The following WDFY4 variants were observed in gnomAD, a reference collection of about 807,000 sequenced individuals.
The protein encoded by WDFY4 is WD repeat- and FYVE domain-containing protein 4.
WDFY4 carries 169 observed loss-of-function variants against 351.9 expected under a neutral mutation model. The ratio of observed to expected loss-of-function variants is 0.48; its 90% confidence interval spans 0.42 to 0.55. The LOEUF is 0.55. Ranked by LOEUF, WDFY4 falls within the 20% of genes least tolerant of loss-of-function variation. WDFY4 has a pLI of 0.00. For missense variants in WDFY4, 3,803 were observed against 3,935.6 expected (o/e 0.97, Z 0.90); for synonymous variants, 1,622 against 1,574.6 (o/e 1.03, Z -0.71).
rs1379989516 is a variant in WDFY4, at chr10:48,795,520, TATACATATATATATACACAC to T, written c.4258-776_4258-757del. On this transcript the variant is annotated intron_variant, in intron 23 of 61. Transcript: ENST00000325239. ...ATATATATATATATATATATATATA[TATACATATATATATACACAC>T]ACATGAATAGTCTGGAAAGATATTG... 4.7e-4 allele frequency among the ~76,000 whole-genome samples: 40 copies of T among 85,530 alleles called. 1 individual carries two copies. In the East Asian group the frequency reaches 0.013, roughly 27 times the overall value. 56.1% of individuals were successfully genotyped at this position (85,530 alleles called of 152,430 possible).
intron 1 of WDFY4, among the ~76,000 whole-genome samples, chr10:48,688,971 T>C (rs1232162032): frequency 1.3e-5 from 2 of 152,102 alleles, no homozygotes. Flanking sequence ...AAATATGAGT[T>C]TGGTCATACA....
At position 48,727,536 on chromosome 10, in the gene WDFY4, A is replaced by T; in HGVS notation, c.848A>T (p.Glu283Val). 1 of 1,551,748 alleles carries T rather than the reference A, an allele frequency of 6.4e-7. No homozygotes were observed. The highest frequency in any genetic ancestry group is 8.7e-7 in the Non-Finnish European group (1 of 1,147,010). The stretch of plus-strand genomic sequence containing the variant: ...CTCACGGACACTCTCCCTGCCCCTG[A>T]AGTGAGCGAGGCTGTAAGCCTGATC... ...SRLTDTLPAP[E>V]VSEAVSLILG... is the part of the protein sequence containing the mutation. The change falls in exon 7 of 62, where the codon GAA (glutamate) becomes GTA (valine). Residue 283 changes from glutamate to valine, a missense_variant. Transcript: ENST00000325239.
At chr10:48,936,687 C>T (rs1840384650) in intron 47 of WDFY4, among the ~76,000 whole-genome samples, 2 of 151,286 alleles carry the variant, frequency 1.3e-5, no homozygotes, top group East Asian at 2.0e-4. Flanking sequence ...AATACAAAAA[C>T]ATTAGTTGGG....
intron 6 of WDFY4, 136 bp from the exon 7 acceptor site, chr10:48,727,334 G>C: frequency 1.1e-6 from 1 of 949,422 alleles, no homozygotes; most frequent in South Asian, 1.7e-5. Flanking sequence ...TGATCCAAGA[G>C]CCAGCAGAAC....
chr10:48,827,428 C>G (rs2068044135), intron 36 of WDFY4, among the ~76,000 whole-genome samples: 1 of 149,984 alleles, frequency 6.7e-6, no homozygotes, highest in East Asian at 2.0e-4. Flanking sequence ...TTTCTTGAAG[C>G]CCCAAGTTTG....
intron 19 of WDFY4, among the ~76,000 whole-genome samples, chr10:48,782,120 G>C (rs1195054024): frequency 6.6e-6 from 1 of 152,222 alleles, no homozygotes; most frequent in Non-Finnish European, 1.5e-5. Context: ...CCAGAAGGTA[G>C]AGACACGGAA....
intron 54 of WDFY4, 151 bp from the exon 55 acceptor site, chr10:48,966,375 T>C (rs1842082268): frequency 1.0e-5 from 8 of 803,974 alleles, no homozygotes; most frequent in Non-Finnish European, 1.3e-5. Flanking sequence ...GTCTGAGGGC[T>C]GGACCAGAGG....
chr10:48,891,711 G>A (rs1180119492), intron 44 of WDFY4, among the ~76,000 whole-genome samples: 1 of 152,226 alleles, frequency 6.6e-6, no homozygotes, highest in Non-Finnish European at 1.5e-5. Flanking sequence ...CAGGGCCTGA[G>A]GTTTAGTAAG....
At chr10:48,854,770 G>T (rs1257327001) in intron 39 of WDFY4, among the ~76,000 whole-genome samples, 3 of 152,028 alleles carry the variant, frequency 2.0e-5, no homozygotes, top group Admixed American at 6.6e-5. Context: ...CCTACTTTGG[G>T]CCCACTTAAC....
intron 51 of WDFY4, among the ~76,000 whole-genome samples, chr10:48,948,995 C>T (rs1044287966): frequency 9.2e-5 from 14 of 152,250 alleles, no homozygotes; most frequent in African/African-American, 3.4e-4. Flanking sequence ...CTTATTTTAG[C>T]CAGTCTGGTC....
chr10:48,915,419 T>TG (rs1838427015), intron 47 of WDFY4, among the ~76,000 whole-genome samples: 3 of 149,832 alleles, frequency 2.0e-5, no homozygotes, highest in Admixed American at 1.3e-4. Context: ...GCTTGCTGAT[T>TG]TTTTTTTTTG....
At chr10:48,787,893 CCTTCTTCTT>C (rs1182060101) in intron 20 of WDFY4, among the ~76,000 whole-genome samples, 794 of 47,976 alleles carry the variant, frequency 0.017, 14 homozygotes, top group Non-Finnish European at 0.023. Flanking sequence ...TTCTTCTTCT[CCTTCTTCTT>C]CTTCTTCTTC....
intron 39 of WDFY4, among the ~76,000 whole-genome samples, chr10:48,864,057 G>A (rs2940727): frequency 0.64 from 97,194 of 152,062 alleles, 33,182 homozygotes; most frequent in African/African-American, 0.88. Flanking sequence ...TTGGGGGATT[G>A]CAATTCAAGA....
At chr10:48,837,900 G>A (rs1048900128) in intron 39 of WDFY4, among the ~76,000 whole-genome samples, 1 of 152,226 alleles carries the variant, frequency 6.6e-6, no homozygotes, top group East Asian at 1.9e-4. Flanking sequence ...CATCAGAGGA[G>A]GGGGACCCAC....
rs549238254 is a variant in WDFY4 at position 48,880,347 on chromosome 10, G to A, written c.7167+3148G>A. On this transcript the variant is annotated intron_variant, in intron 43 of 61. Coordinates refer to ENST00000325239, the MANE Select transcript of WDFY4 (RefSeq NM_001394531.1). ...TTTCCTCAGGGATCTTGCTGGGGGA[G>A]CGGCAAGAGTCTGAAGCCCCCAGGT... 3.0e-4 allele frequency among the ~76,000 whole-genome samples: 45 copies of A among 152,340 alleles called. 1 individual carries two copies. The South Asian group carries it at 8.9e-3, about 30-fold the overall frequency.
At chr10:48,954,665 T>G (rs910484706) in intron 51 of WDFY4, among the ~76,000 whole-genome samples, 3 of 152,086 alleles carry the variant, frequency 2.0e-5, no homozygotes, top group African/African-American at 7.3e-5. Context: ...AGAGTTTACA[T>G]CAACCCACAG....
intron 31 of WDFY4, among the ~76,000 whole-genome samples, chr10:48,816,477 T>A (rs2067624256): frequency 6.6e-6 from 1 of 152,238 alleles, no homozygotes; most frequent in Non-Finnish European, 1.5e-5. Context: ...CTATTTCTAG[T>A]TATGTTTTGG....
At chr10:48,724,818 G>T (rs1306751818) in intron 5 of WDFY4, among the ~76,000 whole-genome samples, 1 of 152,118 alleles carries the variant, frequency 6.6e-6, no homozygotes, top group East Asian at 1.9e-4. Context: ...TGTGTTGTTA[G>T]CAATTAAAAA....
intron 49 of WDFY4, among the ~76,000 whole-genome samples, chr10:48,945,405 G>T (rs1337486741): frequency 1.3e-5 from 2 of 152,042 alleles, no homozygotes; most frequent in African/African-American, 4.8e-5. Context: ...GAGATACACA[G>T]GTACCTCCTC....
Sources: allele counts gnomAD v4.1 joint callset (sites outside exome capture counted in the v4.1 genomes callset), GRCh38; gene constraint gnomAD v4.1.1; transcripts MANE v1.5; gene names NCBI Gene and HGNC (gene_info 2026-07-23, HGNC 2026-07-21).